CEMIP2: variants seen among roughly 807,000 people sequenced by gnomAD.
CEMIP2 encodes the protein cell surface hyaluronidase CEMIP2.
In CEMIP2, 79 loss-of-function variants were observed where a neutral mutation model predicts 146.9. That is an observed-to-expected ratio of 0.54 (90% CI 0.45 to 0.65). CEMIP2 has a LOEUF of 0.65. Ranked by LOEUF, CEMIP2 falls within the 30% of genes least tolerant of loss-of-function variation. The probability of loss-of-function intolerance (pLI) is 0.00; values close to 1 mark genes in which losing one functional copy is unlikely to be tolerated. For synonymous variants in CEMIP2, 601 were observed against 606.3 expected (o/e 0.99, Z 0.13); for missense variants, 1,596 against 1,696.2 (o/e 0.94, Z 1.04).
intron 20 of CEMIP2, among the ~76,000 whole-genome samples, chr9:71,695,809 G>A (rs1375635064): frequency 2.0e-5 from 3 of 151,816 alleles, no homozygotes; most frequent in Non-Finnish European, 4.4e-5. Flanking sequence ...AATGTGTTTG[G>A]TTTTGACAGT....
chr9:71,730,836 G>T lies in CEMIP2; in HGVS notation c.1642C>A (p.Pro548Thr). 1 of 1,614,048 alleles carries T rather than the reference G, an allele frequency of 6.2e-7. No homozygotes were observed. The highest frequency in any genetic ancestry group is 8.5e-7 in the Non-Finnish European group (1 of 1,180,020). ...TCACCACACAGGTGAAAATGAACAG[G>T]GTATCGCCCCATCTGCTGCTGACCC... ...HMGQQQMGRY[P>T]VHFHLCGDVD... is the part of the protein sequence containing the mutation. Residue 548 changes from proline to threonine, a missense_variant, in exon 8 of 24, where the codon CCT becomes ACT. Pro to Thr is a conservative substitution (Grantham distance 38). Coordinates refer to ENST00000377044, the MANE Select transcript of CEMIP2 (RefSeq NM_013390.3).
At chr9:71,696,406 T>C (rs1311966627) in intron 20 of CEMIP2, among the ~76,000 whole-genome samples, 5 of 151,888 alleles carry the variant, frequency 3.3e-5, no homozygotes, top group Admixed American at 2.0e-4. Context: ...TTTTTGATTT[T>C]ACTTGTATGA....
At chr9:71,713,645 CA>C (rs1008888477) in intron 15 of CEMIP2, among the ~76,000 whole-genome samples, 2 of 152,044 alleles carry the variant, frequency 1.3e-5, no homozygotes, top group Non-Finnish European at 2.9e-5. Flanking sequence ...ATTTGGCGAC[CA>C]TCACATTGCA....
intron 17 of CEMIP2, among the ~76,000 whole-genome samples, chr9:71,706,986 G>A (rs140525865): frequency 4.6e-5 from 7 of 152,016 alleles, no homozygotes; most frequent in Admixed American, 1.3e-4. Flanking sequence ...CCACCACCAC[G>A]CCTGGCTAAT....
intron 1 of CEMIP2, among the ~76,000 whole-genome samples, chr9:71,758,548 G>C (rs1186800331): frequency 7.2e-5 from 11 of 152,148 alleles, no homozygotes; most frequent in Non-Finnish European, 1.6e-4. Context: ...GGCTTGGCAA[G>C]CAAAGGTGGT....
chr9:71,704,231 C>T, intron 18 of CEMIP2, among the ~76,000 whole-genome samples: 1 of 152,170 alleles, frequency 6.6e-6, no homozygotes, highest in East Asian at 1.9e-4. Context: ...CAAGTCTAAA[C>T]TCAGCCTCAA....
rs1274590960 is a variant in CEMIP2, at chr9:71,745,344, C to A, written c.708G>T (p.Arg236=). Residue 236 remains arginine, a synonymous_variant, in exon 4 of 24, where the codon CGG becomes CGT. Transcript: ENST00000377044. The part of the protein sequence containing the change: ...AGGTLELHGA[R]KASWTLLART... ...TTGCCAACAACGTCCACGATGCCTT[C>A]CGTGCCCCATGTAACTCCAGTGTCC... 6.2e-7 allele frequency: 1 copy of A among 1,613,632 alleles called. No homozygotes were observed. The highest frequency in any genetic ancestry group is 1.7e-5 in the Admixed American group (1 of 59,988).
chr9:71,736,383 T>C (rs2131982284), intron 5 of CEMIP2, among the ~76,000 whole-genome samples: 2 of 152,312 alleles, frequency 1.3e-5, no homozygotes, highest in Middle Eastern at 3.4e-3. Context: ...GGGTACATTA[T>C]TTACGTATGC....
chr9:71,761,576 A>G (rs1824639273), intron 1 of CEMIP2, among the ~76,000 whole-genome samples: 1 of 152,228 alleles, frequency 6.6e-6, no homozygotes, highest in South Asian at 2.1e-4. Context: ...ATTTCTTTCA[A>G]CTGTAACACA....
chr9:71,767,533 C>G (rs954606473), intron 1 of CEMIP2, among the ~76,000 whole-genome samples: 14 of 152,246 alleles, frequency 9.2e-5, no homozygotes, highest in African/African-American at 3.4e-4. Context: ...TTCAAGTGAG[C>G]TGTTTCCGCT....
At chr9:71,714,276 CA>C (rs1429083994) in intron 15 of CEMIP2, among the ~76,000 whole-genome samples, 6 of 152,282 alleles carry the variant, frequency 3.9e-5, no homozygotes, top group South Asian at 4.1e-4. Flanking sequence ...ATGAGAAGTC[CA>C]AACTGTGCCT....
At chr9:71,698,502 T>G (rs1563996926) in intron 19 of CEMIP2, among the ~76,000 whole-genome samples, 1 of 152,222 alleles carries the variant, frequency 6.6e-6, no homozygotes, top group African/African-American at 2.4e-5. Flanking sequence ...GAAATTTGGT[T>G]TGGCTCAAAA....
At chr9:71,761,328 G>A (rs1824630103) in intron 1 of CEMIP2, among the ~76,000 whole-genome samples, 1 of 152,208 alleles carries the variant, frequency 6.6e-6, no homozygotes, top group South Asian at 2.1e-4. Context: ...AAAGACAACA[G>A]GGATGTGTTT....
At chr9:71,735,147 T>C (rs1823728706) in intron 5 of CEMIP2, among the ~76,000 whole-genome samples, 153 bp from the exon 6 acceptor site, 1 of 152,134 alleles carries the variant, frequency 6.6e-6, no homozygotes, top group South Asian at 2.1e-4. Flanking sequence ...TTAGTCACTC[T>C]ACAGATATAA....
intron 1 of CEMIP2, among the ~76,000 whole-genome samples, chr9:71,763,706 G>C (rs957434663): frequency 6.6e-5 from 10 of 152,132 alleles, no homozygotes; most frequent in African/African-American, 2.2e-4. Flanking sequence ...TTACAAATCT[G>C]GTTACTAGGT....
At chr9:71,708,993 A>T (rs931570772) in intron 17 of CEMIP2, among the ~76,000 whole-genome samples, 3 of 152,186 alleles carry the variant, frequency 2.0e-5, no homozygotes, top group Non-Finnish European at 4.4e-5. Flanking sequence ...AACCACATTT[A>T]ACCCAGGGTA....
At chr9:71,762,703 A>C (rs983436051) in intron 1 of CEMIP2, among the ~76,000 whole-genome samples, 10 of 152,146 alleles carry the variant, frequency 6.6e-5, no homozygotes, top group African/African-American at 2.4e-4. Context: ...TAGTGGTGGC[A>C]CTGGTGGCAT....
intron 19 of CEMIP2, chr9:71,699,544 G>A (rs929520006): frequency 3.0e-6 from 1 of 328,558 alleles, no homozygotes; most frequent in African/African-American, 2.2e-5. Context: ...TGATAACACT[G>A]GCTGGTGGGG....
chr9:71,711,964 T>C, intron 16 of CEMIP2, 119 bp downstream of exon 16: 2 of 1,072,260 alleles, frequency 1.9e-6, no homozygotes, highest in South Asian at 3.2e-5. Flanking sequence ...GCTCTGTGTG[T>C]ATGTCTCCTC....
Sources: allele counts gnomAD v4.1 joint callset (sites outside exome capture counted in the v4.1 genomes callset), GRCh38; gene constraint gnomAD v4.1.1; transcripts MANE v1.5; gene names NCBI Gene and HGNC (gene_info 2026-07-23, HGNC 2026-07-21).